Variants in DNMBP observed in about 807,000 individuals in gnomAD.
The protein encoded by DNMBP is dynamin-binding protein.
DNMBP carries 87 observed loss-of-function variants against 150.0 expected under a neutral mutation model. The ratio of observed to expected loss-of-function variants is 0.58; its 90% CI spans 0.49 to 0.69. DNMBP has a LOEUF of 0.69. Ranked by LOEUF, DNMBP falls within the 30% of genes least tolerant of loss-of-function variation. The pLI is 0.00. For synonymous variants in DNMBP, 711 were observed against 750.4 expected (o/e 0.95, Z 0.86); for missense variants, 1,774 against 1,949.0 (o/e 0.91, Z 1.69).
At chr10:99,984,050 A>T (rs1045776353) in intron 1 of DNMBP, among the ~76,000 whole-genome samples, 1 of 152,242 alleles carries the variant, frequency 6.6e-6, no homozygotes, top group Non-Finnish European at 1.5e-5. Flanking sequence ...ACAGTACAGT[A>T]GTTTTAACTA....
rs371637242 is a variant in DNMBP, at chr10:99,898,072, T to C, written c.2920+14A>G. 423 of 1,608,618 alleles carry C rather than the reference T, an allele frequency of 2.6e-4. No homozygotes were observed. The highest frequency in any genetic ancestry group is 3.3e-4 in the Non-Finnish European group (388 of 1,175,080). ...AAGGGCATACCTCCTTTTCAGCAAT[T>C]ATGCTGTTCTTACCCAGGTCCTTTC... On this transcript the variant is annotated intron_variant, in intron 9 of 16. Transcript: ENST00000324109.
At chr10:99,941,382 C>T (rs2040298967) in intron 4 of DNMBP, among the ~76,000 whole-genome samples, 1 of 152,120 alleles carries the variant, frequency 6.6e-6, no homozygotes, top group African/African-American at 2.4e-5. Context: ...ATTGATATGA[C>T]CAGAAATGTG....
At chr10:99,879,695 G>A in intron 16 of DNMBP, 116 bp downstream of exon 16, 1 of 1,493,250 alleles carries the variant, frequency 6.7e-7, no homozygotes. Context: ...GTGTCTGTGA[G>A]CTCATCTCAG....
intron 4 of DNMBP, among the ~76,000 whole-genome samples, chr10:99,943,314 A>G (rs1214832908): frequency 1.3e-5 from 2 of 151,920 alleles, no homozygotes; most frequent in African/African-American, 4.8e-5. Flanking sequence ...AAAAAAACAC[A>G]GAATGATTTG....
chr10:99,891,006 C>T (rs901554100), intron 11 of DNMBP, among the ~76,000 whole-genome samples: 4 of 152,082 alleles, frequency 2.6e-5, no homozygotes, highest in Non-Finnish European at 5.9e-5. Flanking sequence ...AAATGATAGG[C>T]CACTGGGTAA....
chr10:99,881,086 G>C (rs1202091520), intron 15 of DNMBP, among the ~76,000 whole-genome samples: 2 of 152,084 alleles, frequency 1.3e-5, no homozygotes, highest in Non-Finnish European at 2.9e-5. Flanking sequence ...ATATTAGCCG[G>C]ATGTGGTGGT....
intron 1 of DNMBP, among the ~76,000 whole-genome samples, chr10:99,981,019 G>A (rs1232949514): frequency 6.6e-6 from 1 of 152,090 alleles, no homozygotes; most frequent in African/African-American, 2.4e-5. Context: ...ATGAATGGTA[G>A]TAATGGTTGA....
intron 1 of DNMBP, among the ~76,000 whole-genome samples, chr10:99,992,619 T>C (rs907822571): frequency 6.7e-6 from 1 of 148,858 alleles, no homozygotes; most frequent in Non-Finnish European, 1.5e-5. Context: ...CTCCACCTCC[T>C]GGGTTCACGC....
rs2041006329 is a variant in DNMBP, at chr10:100,001,161, G to T, written c.-11+8677C>A. On this transcript the variant is annotated intron_variant, in intron 1 of 16. Transcript: ENST00000324109. ...CAGGAGAATTGCTTGAACCCAGGAGGTGGAGGTTGCAGTGAGCCGAGATGG... is the reference window on the plus strand; with the variant it reads ...CAGGAGAATTGCTTGAACCCAGGAGTTGGAGGTTGCAGTGAGCCGAGATGG... 3.6e-5 allele frequency among the ~76,000 whole-genome samples: 5 copies of T among 138,028 alleles called. No homozygotes were observed. In the South Asian group the frequency reaches 1.2e-3, roughly 34 times the overall value. 90.6% of individuals were successfully genotyped at this position (138,028 alleles called of 152,430 possible).
chr10:99,897,245 T>C (rs1384653293), intron 9 of DNMBP, among the ~76,000 whole-genome samples: 1 of 151,914 alleles, frequency 6.6e-6, no homozygotes, highest in Non-Finnish European at 1.5e-5. Flanking sequence ...GTGCATTCAG[T>C]GTTATGAAGA....
chr10:99,910,684 T>C (rs1435484679), intron 4 of DNMBP, among the ~76,000 whole-genome samples: 1 of 152,076 alleles, frequency 6.6e-6, no homozygotes, highest in Non-Finnish European at 1.5e-5. Flanking sequence ...GCCTGAAATG[T>C]GGGAGAAAGT....
chr10:99,892,469 C>T (rs7101242), intron 11 of DNMBP, among the ~76,000 whole-genome samples: 54,208 of 113,856 alleles, frequency 0.48, 12,643 homozygotes, highest in Middle Eastern at 0.6. Context: ...CCCAACCCTG[C>T]GCTCTCTGAA....
At chr10:99,928,484 A>G (rs1340913344) in intron 4 of DNMBP, among the ~76,000 whole-genome samples, 1 of 152,224 alleles carries the variant, frequency 6.6e-6, no homozygotes, top group Non-Finnish European at 1.5e-5. Context: ...CATGAAGACA[A>G]CATACAGCAT....
intron 3 of DNMBP, among the ~76,000 whole-genome samples, chr10:99,964,497 G>GT (rs560646609): frequency 0.016 from 2,279 of 145,766 alleles, 54 homozygotes; most frequent in African/African-American, 0.05. Context: ...TCCTGTTTTT[G>GT]TTTTTTTTTT....
chr10:99,934,684 A>G lies in DNMBP; in HGVS notation c.2260+20530T>C, dbSNP rs2805494. On this transcript the variant is annotated intron_variant, in intron 4 of 16. Coordinates refer to ENST00000324109, the MANE Select transcript of DNMBP (RefSeq NM_015221.4). ...CGGGGAGGGAGATGGTAAAACTGGT[A>G]CATTTGTAATCTTGATTTGTCAGGA... 2.4e-3 allele frequency among the ~76,000 whole-genome samples: 330 copies of G among 135,696 alleles called. 13 individuals carry two copies. Among genetic ancestry groups the G allele is most frequent in the East Asian group, 0.017 (82 of 4,944 alleles). The allele number at this position is 135,696 out of a possible 152,430, so 89.0% of individuals were successfully genotyped here.
intron 16 of DNMBP, 67 bp from the exon 17 acceptor site, chr10:99,877,403 T>C: frequency 1.5e-6 from 2 of 1,373,798 alleles, no homozygotes; most frequent in Admixed American, 2.1e-5. Flanking sequence ...CTTCGTGCGG[T>C]GTTGGGGAGG....
At chr10:99,929,879 C>T (rs1226800655) in intron 4 of DNMBP, 2 of 703,002 alleles carry the variant, frequency 2.8e-6, no homozygotes, top group Non-Finnish European at 5.2e-6. Flanking sequence ...TGCCATTATA[C>T]TCCAAATTCT....
Position 99,886,396 on chromosome 10 carries a change from G to A in DNMBP, c.3522C>T (p.Tyr1174=), listed in dbSNP as rs776108510. 17 of 1,614,018 alleles carry A rather than the reference G, an allele frequency of 1.1e-5. No individual in the cohort carries two copies. Among genetic ancestry groups the A allele is most frequent in the East Asian group, 2.2e-5 (1 of 44,886 alleles). Residue 1174 remains tyrosine (Y), a synonymous_variant, in exon 13 of 17, where the codon TAC becomes TAT. Transcript: ENST00000324109. ...CACAGTTGGTGAAGAGGCCCTGGGC[G>A]TACTGGTGGAACTTGGGCAGCTCAT... ...LLDELPKFHQ[Y]AQGLFTNCVH...
Position 99,888,906 on chromosome 10 carries a change from C to T in DNMBP, c.3204G>A (p.Val1068=). Residue 1068 remains valine, a synonymous_variant, in exon 12 of 17, where the codon GTG becomes GTA. Transcript: ENST00000324109. ...KVVAAVSMWD[V]CMERGHRDLE... is the part of the protein sequence containing the mutation. ...GGTCCCGGTGTCCTCTCTCCATGCACACATCCCACATGCTCACAGCAGCCA... is the reference window on the plus strand; with the variant it reads ...GGTCCCGGTGTCCTCTCTCCATGCATACATCCCACATGCTCACAGCAGCCA... The T allele has an allele frequency of 6.2e-7, 1 of 1,614,182 alleles. No homozygotes were observed. The highest frequency in any genetic ancestry group is 8.5e-7 in the Non-Finnish European group (1 of 1,180,026).
Sources: gnomAD v4.1 joint callset for allele counts (sites outside exome capture counted in the v4.1 genomes callset) on GRCh38, gnomAD v4.1.1 for gene constraint, MANE v1.5 for transcripts, NCBI Gene and HGNC (gene_info 2026-07-23, HGNC 2026-07-21) for gene names.